PIP5K1C: variants seen among roughly 807,000 people sequenced by gnomAD.
The protein encoded by PIP5K1C is phosphatidylinositol-4-phosphate 5-kinase type 1 gamma.
In PIP5K1C, 45 loss-of-function variants were observed where a neutral mutation model predicts 80.1. The observed-to-expected ratio is 0.56, with a 90% CI of 0.44 to 0.72. PIP5K1C has a LOEUF of 0.72. Ranked by LOEUF, PIP5K1C falls within the 30% of genes least tolerant of loss-of-function variation. The probability of loss-of-function intolerance (pLI) is 0.00; values close to 1 mark genes in which losing one functional copy is unlikely to be tolerated. For missense variants in PIP5K1C, 753 were observed against 954.6 expected, an observed-to-expected ratio of 0.79 and a Z score of 2.78; for synonymous variants, 498 against 420.1, an observed-to-expected ratio of 1.19 and a Z score of -2.27.
At chr19:3,686,021 C>G (rs533585343) in intron 1 of PIP5K1C, among the ~76,000 whole-genome samples, 124 of 151,896 alleles carry the variant, frequency 8.2e-4, no homozygotes, top group Middle Eastern at 3.4e-3. Context: ...CCACACCTGG[C>G]TAATTCTTTT....
intron 1 of PIP5K1C, 103 bp downstream of exon 1, chr19:3,700,194 C>T (rs1394555550): frequency 3.2e-6 from 2 of 615,594 alleles, no homozygotes; most frequent in Non-Finnish European, 4.2e-6. Flanking sequence ...CCGGCGGCGC[C>T]CCCGCAGCGA....
rs1278562640 is a variant in PIP5K1C at position 3,642,146 on chromosome 19, C to T, written c.1683-337G>A. On this transcript the variant is annotated intron_variant, in intron 14 of 17. Transcript: ENST00000335312. ...GACACAAGTGACTCAGTGTCCCGGCCGCCGGGCCTGGCCATGTAACATGTC... is the reference window on the plus strand; with the variant it reads ...GACACAAGTGACTCAGTGTCCCGGCTGCCGGGCCTGGCCATGTAACATGTC... 2.6e-5 allele frequency among the ~76,000 whole-genome samples: 4 copies of T among 152,348 alleles called. No individual in the cohort carries two copies. The South Asian group carries it at 6.2e-4, about 24-fold the overall frequency.
At chr19:3,663,186 T>C (rs1269263078) in intron 3 of PIP5K1C, among the ~76,000 whole-genome samples, 2 of 151,804 alleles carry the variant, frequency 1.3e-5, no homozygotes, top group African/African-American at 4.8e-5. Flanking sequence ...ATTTTTGCCA[T>C]TGGCATCGTT....
Position 3,644,210 on chromosome 19 carries a change from A to T in PIP5K1C, c.1387T>A (p.Leu463Met), listed in dbSNP as rs754827627. Residue 463 changes from leucine (L) to methionine (M), a missense_variant, in exon 12 of 18, where the codon TTG becomes ATG. Leu to Met is a conservative substitution (Grantham distance 15). Transcript: ENST00000335312. ...SPSKKGRGGA[L>M]LAVKPLGPTA... ...GGCCCCAGCGGTTTCACAGCTAGCAAGGCTCCGCCGCGCCCCTTCTTGGAG... is the reference window on the plus strand; with the variant it reads ...GGCCCCAGCGGTTTCACAGCTAGCATGGCTCCGCCGCGCCCCTTCTTGGAG... The T allele has an allele frequency of 6.2e-7, 1 of 1,612,476 alleles. No homozygotes were observed. The highest frequency in any genetic ancestry group is 8.5e-7 in the Non-Finnish European group (1 of 1,179,868).
intron 5 of PIP5K1C, among the ~76,000 whole-genome samples, chr19:3,659,937 C>T (rs1458510376): frequency 2.6e-5 from 4 of 152,220 alleles, no homozygotes; most frequent in Non-Finnish European, 5.9e-5. Context: ...GTCGTGACAA[C>T]CAGAACGCCA....
At chr19:3,700,212 G>A (rs1207256893) in intron 1 of PIP5K1C, 85 bp downstream of exon 1, 4 of 781,644 alleles carry the variant, frequency 5.1e-6, no homozygotes, top group Non-Finnish European at 6.4e-6. Flanking sequence ...CGACCGTGCA[G>A]CCCCCGCCCC....
intron 15 of PIP5K1C, among the ~76,000 whole-genome samples, chr19:3,640,952 GCTGGGATTA>G (rs2033935702): frequency 6.6e-6 from 1 of 152,162 alleles, no homozygotes; most frequent in South Asian, 2.1e-4. Context: ...CTCCCAAAGT[GCTGGGATTA>G]CAGGCATGAG....
At chr19:3,640,669 G>T (rs1401683941) in intron 15 of PIP5K1C, among the ~76,000 whole-genome samples, 1 of 151,796 alleles carries the variant, frequency 6.6e-6, no homozygotes, top group Non-Finnish European at 1.5e-5. Context: ...GGGAGGCCAA[G>T]GTGGGCAGAT....
intron 1 of PIP5K1C, among the ~76,000 whole-genome samples, chr19:3,687,754 G>A (rs769417522): frequency 2.6e-5 from 4 of 152,164 alleles, no homozygotes; most frequent in Non-Finnish European, 5.9e-5. Flanking sequence ...GTAGTAGGCC[G>A]CCCCTCTTCC....
chr19:3,643,190 C>T, intron 13 of PIP5K1C, 53 bp downstream of exon 13: 1 of 1,607,714 alleles, frequency 6.2e-7, no homozygotes, highest in Non-Finnish European at 8.5e-7. Context: ...GAATGCCCCG[C>T]CCCCACGCAC....
intron 1 of PIP5K1C, 97 bp from the exon 2 acceptor site, chr19:3,667,450 G>A (rs111956318): frequency 1.4e-5 from 20 of 1,383,680 alleles, no homozygotes; most frequent in African/African-American, 1.3e-4. Flanking sequence ...CCCAGGCCTG[G>A]CGTGTGTAAC....
chr19:3,648,852 C>A lies in PIP5K1C; in HGVS notation c.1128-144G>T. The A allele has an allele frequency of 3.0e-6, 2 of 677,554 alleles. No homozygotes were observed. The highest frequency in any genetic ancestry group is 3.4e-5 in the South Asian group (2 of 58,676). The allele number at this position is 677,554 out of a possible 1,614,324, so 42.0% of individuals were successfully genotyped here. A position where few individuals can be genotyped will look rare whatever the true frequency, so the allele number is the denominator to read the frequency against. ...AGCTCTCGGAGTGGGGCCTGGCACC[C>A]GGGAACCTCTGTCCTGACATCCCTC... is the stretch of plus-strand genomic sequence containing the variant. On this transcript the variant is annotated intron_variant, in intron 8 of 17. Transcript: ENST00000335312. The surrounding 1 kb of genome is among the most constrained non-coding windows in gnomAD (Gnocchi z 4.3).
chr19:3,700,106 G>A (rs1041763381), intron 1 of PIP5K1C, among the ~76,000 whole-genome samples, 191 bp downstream of exon 1: 1 of 151,890 alleles, frequency 6.6e-6, no homozygotes, highest in Non-Finnish European at 1.5e-5. Flanking sequence ...CCCCTCGCAG[G>A]CCTCCCGCTT....
At chr19:3,695,518 G>T (rs1423088800) in intron 1 of PIP5K1C, among the ~76,000 whole-genome samples, 2 of 152,198 alleles carry the variant, frequency 1.3e-5, no homozygotes, top group Admixed American at 6.5e-5. Flanking sequence ...ATCCCCGGCT[G>T]GCATGCAATG....
intron 1 of PIP5K1C, among the ~76,000 whole-genome samples, chr19:3,678,678 A>G (rs1440399762): frequency 1.2e-4 from 9 of 74,076 alleles, no homozygotes; most frequent in African/African-American, 2.1e-4. Context: ...AGGGATGGCG[A>G]GATGGAGGGA....
Position 3,688,863 on chromosome 19 carries a change from G to A in PIP5K1C, c.94+11434C>T, listed in dbSNP as rs933977461. Among the ~76,000 whole-genome samples, 9 of 151,080 alleles carry A rather than the reference G, an allele frequency of 6.0e-5. No individual in the cohort carries two copies. The highest frequency in any genetic ancestry group is 2.0e-4 in the East Asian group (1 of 4,940). On this transcript the variant is annotated intron_variant, in intron 1 of 17. Transcript: ENST00000335312. The surrounding 1 kb of genome is among the most constrained non-coding windows in gnomAD (Gnocchi z 5.3). ...CCCGTTTTTGAGCCCCCACACAGCCGAATACATGCCCCCGGTCCCCCTTCC... is the reference window on the plus strand; with the variant it reads ...CCCGTTTTTGAGCCCCCACACAGCCAAATACATGCCCCCGGTCCCCCTTCC...
intron 1 of PIP5K1C, among the ~76,000 whole-genome samples, chr19:3,677,793 G>A (rs2035414535): frequency 2.9e-5 from 2 of 69,566 alleles, no homozygotes; most frequent in South Asian, 6.7e-4. Flanking sequence ...AGGGAGGGAT[G>A]CAGGGAGGGA....
chr19:3,658,676 T>TCACACACAGGA (rs2034723794), intron 5 of PIP5K1C, among the ~76,000 whole-genome samples: 2 of 152,112 alleles, frequency 1.3e-5, no homozygotes, highest in Admixed American at 6.5e-5. Context: ...GAGACACAAA[T>TCACACACAGGA]CACTGCTGCC....
At chr19:3,673,932 AG>A (rs1239778090) in intron 1 of PIP5K1C, 4 of 152,270 alleles carry the variant, frequency 2.6e-5, no homozygotes, top group Non-Finnish European at 5.9e-5. Context: ...GCTAAACTGC[AG>A]AAAGGCCTTC....
Sources: allele counts gnomAD v4.1 joint callset (sites outside exome capture counted in the v4.1 genomes callset), GRCh38; gene constraint gnomAD v4.1.1; non-coding constraint Gnocchi (gnomAD v3.1); transcripts MANE v1.5; gene names NCBI Gene and HGNC (gene_info 2026-07-23, HGNC 2026-07-21).